ZC2HC1B: variants seen among roughly 807,000 people sequenced by gnomAD.
ZC2HC1B encodes the protein zinc finger C2HC-type containing 1B, also known as zinc finger C2HC domain-containing protein 1B.
A neutral mutation model predicts 31.0 loss-of-function variants in ZC2HC1B; 36 were observed. The observed-to-expected ratio is 1.16, with a 90% CI of 0.89 to 1.54. The LOEUF (loss-of-function observed/expected upper bound fraction) is 1.54, where lower values mean the gene tolerates loss of function less well. Among genes scored for constraint, ZC2HC1B ranks in the 40% most tolerant of loss-of-function variants. ZC2HC1B has a pLI of 0.00. For synonymous variants in ZC2HC1B, 73 were observed against 88.0 expected (o/e 0.83, Z 0.95); for missense variants, 260 against 268.6 (o/e 0.97, Z 0.22).
At chr6:143,901,485 C>G (rs576431134) in intron 5 of ZC2HC1B, among the ~76,000 whole-genome samples, 1 of 151,990 alleles carries the variant, frequency 6.6e-6, no homozygotes, top group East Asian at 1.9e-4. Flanking sequence ...GTCTCGAACT[C>G]CTGACCTCAG....
chr6:143,892,308 T>C (rs1299981610), intron 4 of ZC2HC1B, among the ~76,000 whole-genome samples: 1 of 150,720 alleles, frequency 6.6e-6, no homozygotes, highest in African/African-American at 2.4e-5. Flanking sequence ...TTTTTTTTTT[T>C]TTTTTCAGAG....
chr6:143,899,327 G>A lies in ZC2HC1B; in HGVS notation c.489+636G>A, dbSNP rs548984719. Among the ~76,000 whole-genome samples, 4 of 152,304 alleles carry A rather than the reference G, an allele frequency of 2.6e-5. No homozygotes were observed. The South Asian group carries it at 8.3e-4, about 32-fold the overall frequency. On this transcript the variant is annotated intron_variant, in intron 5 of 7. Coordinates refer to ENST00000237275, the MANE Select transcript of ZC2HC1B (RefSeq NM_001013623.3). This position sits in a 1 kb window ranked among gnomAD's most constrained non-coding sequence, Gnocchi z 5.0. ...CATAAAAACTATTAGTTTCATAGAC[G>A]TGGCTTAGATGCCATGAAAAGTTGG...
At chr6:143,936,705 G>A (rs1778182998) in intron 6 of ZC2HC1B, among the ~76,000 whole-genome samples, 1 of 152,226 alleles carries the variant, frequency 6.6e-6, no homozygotes, top group Admixed American at 6.5e-5. Flanking sequence ...GCATTGCTTT[G>A]TATATTTAGT....
chr6:143,912,065 ATAT>A (rs1450329682), intron 6 of ZC2HC1B, among the ~76,000 whole-genome samples: 1 of 152,032 alleles, frequency 6.6e-6, no homozygotes, highest in African/African-American at 2.4e-5. Context: ...TCTGCTATTA[ATAT>A]TTGTGATTGC....
Position 143,936,317 on chromosome 6 carries a change from T to C in ZC2HC1B, c.599-1332T>C, listed in dbSNP as rs1261314742. Among the ~76,000 whole-genome samples the C allele has an allele frequency of 2.0e-5, 3 of 152,236 alleles. No homozygotes were observed. The East Asian group carries it at 5.8e-4, about 29-fold the overall frequency. ...TAGCGTGAGGAGGTCGATGTACTAT[T>C]CATATCTCTATTTTACAGATGAGGA... On this transcript the variant is annotated intron_variant, in intron 6 of 7. Transcript: ENST00000237275.
intron 5 of ZC2HC1B, among the ~76,000 whole-genome samples, chr6:143,900,578 C>T (rs938819819): frequency 6.6e-6 from 1 of 151,692 alleles, no homozygotes; most frequent in African/African-American, 2.4e-5. Flanking sequence ...ATTAACAGGT[C>T]CTTGATTAAC....
At position 143,872,275 on chromosome 6, in the gene ZC2HC1B, A is replaced by G. The variant is rs1044197317; in HGVS notation, c.28+7708A>G. Among the ~76,000 whole-genome samples the G allele has an allele frequency of 1.3e-5, 2 of 152,174 alleles. No homozygotes were observed. Among genetic ancestry groups the G allele is most frequent in the Non-Finnish European group, 2.9e-5 (2 of 68,026 alleles). On this transcript the variant is annotated intron_variant, in intron 1 of 7. Coordinates refer to ENST00000237275, the MANE Select transcript of ZC2HC1B (RefSeq NM_001013623.3). The surrounding 1 kb of genome is among the most constrained non-coding windows in gnomAD (Gnocchi z 5.5). ...ATGATTCTCTGTTTTTATAATTCAGATTAGTCTTTTGTCCATTTGACCTAG... is the reference window on the plus strand; with the variant it reads ...ATGATTCTCTGTTTTTATAATTCAGGTTAGTCTTTTGTCCATTTGACCTAG...
intron 6 of ZC2HC1B, among the ~76,000 whole-genome samples, chr6:143,927,180 A>G (rs1175294436): frequency 1.3e-5 from 2 of 152,124 alleles, no homozygotes; most frequent in Middle Eastern, 3.2e-3. Context: ...TTTAGGGGGT[A>G]CAAATACAGC....
At chr6:143,931,869 T>C (rs1256633813) in intron 6 of ZC2HC1B, among the ~76,000 whole-genome samples, 5 of 150,780 alleles carry the variant, frequency 3.3e-5, no homozygotes, top group African/African-American at 1.2e-4. Context: ...TTCTTCTTTT[T>C]TTTTTTTTTT....
intron 5 of ZC2HC1B, among the ~76,000 whole-genome samples, chr6:143,902,476 C>T (rs2128495197): frequency 6.6e-6 from 1 of 152,164 alleles, no homozygotes; most frequent in East Asian, 1.9e-4. Context: ...TCCTGCAGTT[C>T]CGTGGAACTG....
intron 6 of ZC2HC1B, among the ~76,000 whole-genome samples, chr6:143,904,228 G>A (rs1777768790): frequency 1.3e-5 from 2 of 152,164 alleles, no homozygotes; most frequent in Non-Finnish European, 2.9e-5. Flanking sequence ...AGTGTGATTG[G>A]TTGTTTTTGT....
At chr6:143,926,859 C>T (rs1234741320) in intron 6 of ZC2HC1B, among the ~76,000 whole-genome samples, 4 of 106,220 alleles carry the variant, frequency 3.8e-5, no homozygotes, top group South Asian at 3.3e-4. Flanking sequence ...TTTTTTGAGA[C>T]GGAGTCTCGC....
At chr6:143,898,245 G>A (rs1348525978) in intron 4 of ZC2HC1B, among the ~76,000 whole-genome samples, 1 of 152,186 alleles carries the variant, frequency 6.6e-6, no homozygotes, top group Non-Finnish European at 1.5e-5. Context: ...GCTGTGGCAT[G>A]ATCACAGCTG....
In ZC2HC1B at chr6:143,886,772, TA is replaced by T; in HGVS notation, c.303del (p.Glu102LysfsTer13). Reference protein sequence around the residue: ...RSAKQCMLAIKEGRPLPPPPP... With the variant: ...RSAKQCMLAIXEGRPLPPPPP... Reference sequence around the variant, plus strand: ...CAGCAAAGCAGTGTATGCTAGCCATTAAAGAAGGCCGACCCCTCCCACCTCC... The same window carrying T: ...CAGCAAAGCAGTGTATGCTAGCCATTAAGAAGGCCGACCCCTCCCACCTCC... On this transcript the variant is annotated frameshift_variant, in exon 4 of 8. Coordinates refer to ENST00000237275, the MANE Select transcript of ZC2HC1B (RefSeq NM_001013623.3). LOFTEE classifies it high-confidence loss of function. This position sits in a 1 kb window ranked among gnomAD's most constrained non-coding sequence, Gnocchi z 4.2. 1 of 1,549,428 alleles carries T rather than the reference TA, an allele frequency of 6.5e-7. No individual in the cohort carries two copies. Among genetic ancestry groups the T allele is most frequent in the Non-Finnish European group, 8.7e-7 (1 of 1,145,898 alleles).
intron 5 of ZC2HC1B, among the ~76,000 whole-genome samples, chr6:143,898,966 G>A (rs987689517): frequency 2.0e-5 from 3 of 152,164 alleles, no homozygotes; most frequent in African/African-American, 7.2e-5. Flanking sequence ...TAGCATTATG[G>A]CAAAACTCTT....
At chr6:143,880,359 C>G (rs1290831379) in intron 1 of ZC2HC1B, among the ~76,000 whole-genome samples, 1 of 152,118 alleles carries the variant, frequency 6.6e-6, no homozygotes, top group African/African-American at 2.4e-5. Flanking sequence ...GAAAGGCACT[C>G]ATTTGTTCTG....
chr6:143,930,059 CT>C (rs1778100360), intron 6 of ZC2HC1B, among the ~76,000 whole-genome samples: 1 of 151,912 alleles, frequency 6.6e-6, no homozygotes, highest in African/African-American at 2.4e-5. Flanking sequence ...TTTTGTTGAT[CT>C]TTTGTATTGT....
chr6:143,870,141 G>T lies in ZC2HC1B; in HGVS notation c.28+5574G>T, dbSNP rs577905916. 6.6e-6 allele frequency among the ~76,000 whole-genome samples: 1 copy of T among 152,294 alleles called. No homozygotes were observed. The highest frequency in any genetic ancestry group is 2.1e-4 in the South Asian group (1 of 4,828). Reference sequence around the variant, plus strand: ...AGCCAAACTACTGGCAACAGCCCATGAATCAGTATATAATTGCACATCTGA... The same window carrying T: ...AGCCAAACTACTGGCAACAGCCCATTAATCAGTATATAATTGCACATCTGA... On this transcript the variant is annotated intron_variant, in intron 1 of 7. Transcript: ENST00000237275. This position sits in a 1 kb window ranked among gnomAD's most constrained non-coding sequence, Gnocchi z 4.7.
At chr6:143,931,811 A>T (rs9496821) in intron 6 of ZC2HC1B, among the ~76,000 whole-genome samples, 2,515 of 147,242 alleles carry the variant, frequency 0.017, 74 homozygotes, top group African/African-American at 0.058. Context: ...TGCCTAGGTG[A>T]TTATTTTTTG....
Sources: gnomAD v4.1 joint callset for allele counts (sites outside exome capture counted in the v4.1 genomes callset) on GRCh38, gnomAD v4.1.1 for gene constraint, Gnocchi (gnomAD v3.1) non-coding constraint, MANE v1.5 for transcripts, NCBI Gene and HGNC (gene_info 2026-07-23, HGNC 2026-07-21) for gene names.